Variants in ENTHD1 observed in about 807,000 individuals in gnomAD.
ENTHD1 encodes ENTH domain-containing protein 1.
ENTHD1 carries 23 observed loss-of-function variants against 39.1 expected under a neutral mutation model. The observed-to-expected ratio is 0.59, with a 90% CI of 0.42 to 0.83. The LOEUF is 0.83. ENTHD1 is among the 40% of genes least tolerant of loss of function. The pLI, the probability that ENTHD1 is intolerant of heterozygous loss-of-function variation, is 0.00. For synonymous variants in ENTHD1, 230 were observed against 258.2 expected (o/e 0.89, Z 1.05); for missense variants, 624 against 705.4 (o/e 0.88, Z 1.31).
intron 5 of ENTHD1, among the ~76,000 whole-genome samples, chr22:39,792,549 T>C (rs1399018737): frequency 6.6e-6 from 1 of 152,200 alleles, no homozygotes; most frequent in Non-Finnish European, 1.5e-5. Context: ...TGATGGTATA[T>C]CTCCTTTACC....
chr22:39,745,991 A>G (rs939688799), intron 6 of ENTHD1, among the ~76,000 whole-genome samples: 7 of 152,170 alleles, frequency 4.6e-5, no homozygotes, highest in African/African-American at 1.7e-4. Context: ...CTTCTCAGTG[A>G]TGTACCCTGA....
intron 5 of ENTHD1, among the ~76,000 whole-genome samples, chr22:39,768,860 A>C (rs2065299023): frequency 6.6e-6 from 1 of 152,112 alleles, no homozygotes; most frequent in Non-Finnish European, 1.5e-5. Context: ...GAACTGTATT[A>C]AATGCAGGAG....
intron 5 of ENTHD1, among the ~76,000 whole-genome samples, chr22:39,781,230 C>T (rs975639550): frequency 6.6e-6 from 1 of 152,070 alleles, no homozygotes; most frequent in Non-Finnish European, 1.5e-5. Flanking sequence ...GCACAAGGGC[C>T]GTTGTCCAGA....
rs1368187446 is a variant in ENTHD1 at position 39,863,939 on chromosome 22, ACTT to A, written c.350-1935_350-1933del. On this transcript the variant is annotated intron_variant, in intron 2 of 6. Transcript: ENST00000325157. ...TTCCAAGATTATTTTATCTAATCTC[ACTT>A]CTTAGTTATTTCTTCCTTCCAAATC... is the stretch of plus-strand genomic sequence containing the variant. Among the ~76,000 whole-genome samples, 3 of 152,156 alleles carry A rather than the reference ACTT, an allele frequency of 2.0e-5. No individual in the cohort carries two copies. In the East Asian group the frequency reaches 5.8e-4, roughly 29 times the overall value.
chr22:39,831,835 A>G (rs2065871650), intron 4 of ENTHD1, among the ~76,000 whole-genome samples: 1 of 152,102 alleles, frequency 6.6e-6, no homozygotes, highest in Non-Finnish European at 1.5e-5. Flanking sequence ...TCAAAAAACA[A>G]AACAAACAAA....
At chr22:39,829,170 T>C (rs1416352851) in intron 4 of ENTHD1, among the ~76,000 whole-genome samples, 1 of 152,182 alleles carries the variant, frequency 6.6e-6, no homozygotes, top group South Asian at 2.1e-4. Context: ...ATGCTCCTAA[T>C]AGTAATAAGA....
intron 5 of ENTHD1, among the ~76,000 whole-genome samples, chr22:39,770,017 C>G (rs2146566889): frequency 6.6e-6 from 1 of 152,234 alleles, no homozygotes; most frequent in East Asian, 1.9e-4. Flanking sequence ...CATCTTCATT[C>G]AAAGATAGTT....
intron 5 of ENTHD1, among the ~76,000 whole-genome samples, chr22:39,773,777 T>C (rs974927676): frequency 2.6e-5 from 4 of 152,206 alleles, no homozygotes; most frequent in Non-Finnish European, 5.9e-5. Flanking sequence ...GTTAATTTAA[T>C]ACCAAAACAA....
chr22:39,825,448 C>T (rs947610602), intron 4 of ENTHD1, among the ~76,000 whole-genome samples: 1 of 152,136 alleles, frequency 6.6e-6, no homozygotes, highest in African/African-American at 2.4e-5. Flanking sequence ...CAGGGTAATA[C>T]TTGCCTCATA....
At chr22:39,808,269 G>C (rs1233984151) in intron 5 of ENTHD1, among the ~76,000 whole-genome samples, 3 of 152,102 alleles carry the variant, frequency 2.0e-5, no homozygotes. Context: ...GGCAGGGTTA[G>C]GTGCCCTCCT....
chr22:39,758,353 TG>T (rs2065201930), intron 6 of ENTHD1, among the ~76,000 whole-genome samples: 1 of 152,310 alleles, frequency 6.6e-6, no homozygotes, highest in Non-Finnish European at 1.5e-5. Context: ...CTGATCTGAG[TG>T]GTAATGCATT....
chr22:39,887,792 G>A lies in ENTHD1; in HGVS notation c.-44C>T. The A allele has an allele frequency of 2.9e-6, 4 of 1,390,092 alleles. No homozygotes were observed. Among genetic ancestry groups the A allele is most frequent in the Non-Finnish European group, 3.9e-6 (4 of 1,024,150 alleles). 86.1% of individuals were successfully genotyped at this position (1,390,092 alleles called of 1,614,324 possible). ...GGTGAGATGGAGGATGAAAGCAATGGAATAACAGTTTATGTCACGGGTTTA... is the reference window on the plus strand; with the variant it reads ...GGTGAGATGGAGGATGAAAGCAATGAAATAACAGTTTATGTCACGGGTTTA... On this transcript the variant is annotated 5_prime_UTR_variant, in exon 2 of 7. Coordinates refer to ENST00000325157, the MANE Select transcript of ENTHD1 (RefSeq NM_152512.4).
At chr22:39,869,195 C>G (rs2066216154) in intron 2 of ENTHD1, among the ~76,000 whole-genome samples, 1 of 152,094 alleles carries the variant, frequency 6.6e-6, no homozygotes, top group South Asian at 2.1e-4. Flanking sequence ...TTCACAATAG[C>G]AAAGACGTGG....
intron 2 of ENTHD1, among the ~76,000 whole-genome samples, chr22:39,883,842 A>G (rs1203508012): frequency 2.3e-5 from 3 of 133,196 alleles, no homozygotes. Flanking sequence ...TGACAGAGCA[A>G]GGCTCTGTCC....
chr22:39,835,551 A>G (rs1300803299), intron 4 of ENTHD1, among the ~76,000 whole-genome samples: 1 of 152,162 alleles, frequency 6.6e-6, no homozygotes, highest in African/African-American at 2.4e-5. Flanking sequence ...CCTTATTAAT[A>G]TTTAAAGCCT....
intron 5 of ENTHD1, among the ~76,000 whole-genome samples, chr22:39,803,797 A>T (rs2065618354): frequency 2.0e-5 from 3 of 152,208 alleles, no homozygotes. Flanking sequence ...ACTTCTCATC[A>T]GTATCAAAAT....
intron 5 of ENTHD1, among the ~76,000 whole-genome samples, chr22:39,813,335 C>A (rs2065708305): frequency 6.6e-6 from 1 of 152,160 alleles, no homozygotes; most frequent in Non-Finnish European, 1.5e-5. Context: ...ACAGCCCTAG[C>A]TAATTTACTC....
At chr22:39,766,536 T>C (rs959264203) in intron 5 of ENTHD1, among the ~76,000 whole-genome samples, 3 of 152,188 alleles carry the variant, frequency 2.0e-5, no homozygotes, top group African/African-American at 7.2e-5. Context: ...TGAGGTTGTG[T>C]TCATGAAACG....
At chr22:39,809,626 A>C (rs1311484600) in intron 5 of ENTHD1, among the ~76,000 whole-genome samples, 1 of 152,154 alleles carries the variant, frequency 6.6e-6, no homozygotes, top group African/African-American at 2.4e-5. Flanking sequence ...GCCACCTTTT[A>C]ATTGCCTTGG....
Sources: gnomAD v4.1 joint callset for allele counts (sites outside exome capture counted in the v4.1 genomes callset) on GRCh38, gnomAD v4.1.1 for gene constraint, MANE v1.5 for transcripts, NCBI Gene and HGNC (gene_info 2026-07-23, HGNC 2026-07-21) for gene names.